LRRC49: variants seen among roughly 807,000 people sequenced by gnomAD.
LRRC49 encodes leucine rich repeat containing 49.
A neutral mutation model predicts 83.3 loss-of-function variants in LRRC49; 50 were observed. The observed-to-expected ratio is 0.60, with a 90% CI of 0.48 to 0.76. The LOEUF (loss-of-function observed/expected upper bound fraction) is 0.76. Among genes scored for constraint, LRRC49 ranks in the 30% least tolerant of loss-of-function variants. The pLI is 0.00. For missense variants in LRRC49, 704 were observed against 809.1 expected (o/e 0.87, Z 1.58); for synonymous variants, 286 against 283.3 (o/e 1.01, Z -0.10).
intron 10 of LRRC49, among the ~76,000 whole-genome samples, chr15:70,981,964 C>T (rs2037417570): frequency 6.6e-6 from 1 of 150,708 alleles, no homozygotes; most frequent in African/African-American, 2.4e-5. Context: ...CCATTAATCC[C>T]CACCTGACAT....
At chr15:70,973,304 A>G (rs1460112941) in intron 9 of LRRC49, among the ~76,000 whole-genome samples, 1 of 152,150 alleles carries the variant, frequency 6.6e-6, no homozygotes, top group African/African-American at 2.4e-5. Flanking sequence ...GGGTGTCACC[A>G]GCAGATGCTG....
At chr15:70,963,675 T>G in intron 8 of LRRC49, 110 bp from the exon 9 acceptor site, 3 of 1,243,512 alleles carry the variant, frequency 2.4e-6, no homozygotes, top group Non-Finnish European at 2.3e-6. Flanking sequence ...CTGTACTATC[T>G]TCTCAATTTT....
At position 71,049,777 on chromosome 15, in the gene LRRC49, G is replaced by A. The variant is rs1713570; in HGVS notation, c.*165G>A. Reference sequence around the variant, plus strand: ...CTCATAGCTAAAAGTTAAGAAGGAAGGAAGGAAAGCAGGAGAAAGGAAGGA... The same window carrying A: ...CTCATAGCTAAAAGTTAAGAAGGAAAGAAGGAAAGCAGGAGAAAGGAAGGA... On this transcript the variant is annotated 3_prime_UTR_variant, in exon 16 of 16. Coordinates refer to ENST00000260382, the MANE Select transcript of LRRC49 (RefSeq NM_017691.5). 557,075 of 557,946 alleles carry A rather than the reference G, an allele frequency of 1. 278,109 individuals are homozygous for A. The highest frequency in any genetic ancestry group is 1 in the East Asian group (33,490 of 33,490). 34.6% of individuals were successfully genotyped at this position (557,946 alleles called of 1,614,324 possible).
intron 14 of LRRC49, among the ~76,000 whole-genome samples, chr15:71,017,545 A>G (rs2038864954): frequency 6.6e-6 from 1 of 152,198 alleles, no homozygotes; most frequent in African/African-American, 2.4e-5. Flanking sequence ...AATAGAAAAA[A>G]AAAGGCAAAG....
At chr15:70,865,352 T>G (rs2032886512) in intron 1 of LRRC49, among the ~76,000 whole-genome samples, 1 of 111,386 alleles carries the variant, frequency 9.0e-6, no homozygotes, top group African/African-American at 2.9e-5. Flanking sequence ...TACTTCAGCC[T>G]GTCTTCTAAA....
At chr15:71,005,151 G>A (rs2038412579) in intron 11 of LRRC49, among the ~76,000 whole-genome samples, 1 of 152,104 alleles carries the variant, frequency 6.6e-6, no homozygotes, top group Admixed American at 6.6e-5. Flanking sequence ...TGAACTTAAA[G>A]TAGTCATTCC....
In LRRC49 at chr15:70,953,773, CTA is replaced by C. The variant is rs561687107; in HGVS notation, c.774-10010_774-10009del. ...TGCAAATGAGTTACAGGTTTGGTCT[CTA>C]TGTAATCCCCTATTTCTCAGCTATT... On this transcript the variant is annotated intron_variant, in intron 8 of 15. Coordinates refer to ENST00000260382, the MANE Select transcript of LRRC49 (RefSeq NM_017691.5). Among the ~76,000 whole-genome samples, 8 of 152,208 alleles carry C rather than the reference CTA, an allele frequency of 5.3e-5. No individual in the cohort carries two copies. The East Asian group carries it at 1.3e-3, about 26-fold the overall frequency.
chr15:70,959,811 A>G (rs1217270875), intron 8 of LRRC49, among the ~76,000 whole-genome samples: 2 of 152,194 alleles, frequency 1.3e-5, no homozygotes, highest in Admixed American at 1.3e-4. Context: ...TAGAGGAGTC[A>G]CACTAACCTT....
chr15:70,891,565 C>CTGTGTGTG (rs1491474980), upstream of LRRC49, among the ~76,000 whole-genome samples: 12 of 118,948 alleles, frequency 1.0e-4, no homozygotes, highest in Non-Finnish European at 1.1e-4. Flanking sequence ...CAGGACAAGA[C>CTGTGTGTG]TCTGTGTGTG....
upstream of LRRC49, among the ~76,000 whole-genome samples, chr15:70,889,413 G>C (rs2033495733): frequency 6.6e-6 from 1 of 152,124 alleles, no homozygotes; most frequent in South Asian, 2.1e-4. Flanking sequence ...GGAGGGGCTG[G>C]ATATGGGGTG....
At chr15:70,948,984 T>C (rs761766996) in intron 8 of LRRC49, among the ~76,000 whole-genome samples, 22 of 152,206 alleles carry the variant, frequency 1.4e-4, no homozygotes, top group Non-Finnish European at 2.5e-4. Context: ...ATAAATAATA[T>C]GTAAATGAAT....
Position 70,998,327 on chromosome 15 carries a change from C to T in LRRC49, c.1170-10052C>T, listed in dbSNP as rs574461093. Reference sequence around the variant, plus strand: ...GTTACCAACTAGTGTTCTTTAATTTCCAGAGAATTTCCTTTAGCATTTCCT... The same window carrying T: ...GTTACCAACTAGTGTTCTTTAATTTTCAGAGAATTTCCTTTAGCATTTCCT... On this transcript the variant is annotated intron_variant, in intron 11 of 15. Transcript: ENST00000260382. 9.2e-4 allele frequency among the ~76,000 whole-genome samples: 140 copies of T among 152,166 alleles called. No individual in the cohort carries two copies. In the Middle Eastern group the frequency reaches 0.01, roughly 11 times the overall value.
intron 4 of LRRC49, among the ~76,000 whole-genome samples, chr15:70,902,883 G>C (rs1004069013): frequency 1.3e-5 from 2 of 152,174 alleles, no homozygotes; most frequent in African/African-American, 4.8e-5. Context: ...TGGGTCTCTA[G>C]TTATTATGTA....
chr15:71,008,227 A>G, intron 11 of LRRC49, 152 bp from the exon 12 acceptor site: 1 of 523,452 alleles, frequency 1.9e-6, no homozygotes, highest in African/African-American at 1.9e-5. Flanking sequence ...ACTGCTAGAT[A>G]GTCTATTGAA....
chr15:71,047,060 T>C lies in LRRC49; in HGVS notation c.1858-2349T>C, dbSNP rs1187792991. On this transcript the variant is annotated intron_variant, in intron 15 of 15. Coordinates refer to ENST00000260382, the MANE Select transcript of LRRC49 (RefSeq NM_017691.5). ...TCCATTGGTCGATGTATCTGTTTTT[T>C]ACCAGTACCAAACTGTTTTGGTTAC... 2.6e-5 allele frequency among the ~76,000 whole-genome samples: 4 copies of C among 152,210 alleles called. No individual in the cohort carries two copies. The East Asian group carries it at 5.8e-4, about 22-fold the overall frequency.
At chr15:71,037,464 C>G in intron 15 of LRRC49, 132 bp downstream of exon 15, 1 of 693,896 alleles carries the variant, frequency 1.4e-6, no homozygotes, top group Non-Finnish European at 2.3e-6. Context: ...CCTTATATTA[C>G]AAAGCCAGGG....
upstream of LRRC49, among the ~76,000 whole-genome samples, chr15:70,891,550 C>T (rs573342903): frequency 1.3e-5 from 2 of 148,936 alleles, no homozygotes; most frequent in Admixed American, 6.8e-5. Context: ...CAACTCACTA[C>T]TCTGCAGGAC....
chr15:70,890,969 A>G (rs905031485), upstream of LRRC49, among the ~76,000 whole-genome samples: 1 of 152,194 alleles, frequency 6.6e-6, no homozygotes, highest in African/African-American at 2.4e-5. Context: ...TAATTGCAAG[A>G]TGCCATTAAA....
chr15:70,884,079 A>G (rs1175792589), intron 2 of LRRC49, among the ~76,000 whole-genome samples: 3 of 152,208 alleles, frequency 2.0e-5, no homozygotes, highest in Non-Finnish European at 2.9e-5. Context: ...AAGAAAAGAT[A>G]TCTGGAAAAG....
Sources: allele counts gnomAD v4.1 joint callset (sites outside exome capture counted in the v4.1 genomes callset), GRCh38; gene constraint gnomAD v4.1.1; transcripts MANE v1.5; gene names NCBI Gene and HGNC (gene_info 2026-07-23, HGNC 2026-07-21).